The following EPHB2 variants were observed in gnomAD, a reference collection of about 807,000 sequenced individuals.
The protein encoded by EPHB2 is ephrin type-B receptor 2.
Under a neutral mutation model 96.4 loss-of-function variants are expected in EPHB2, and 18 were observed. The observed-to-expected ratio is 0.19, with a 90% CI of 0.13 to 0.28. The LOEUF is 0.28. Ranked by LOEUF, EPHB2 falls within the 10% of genes least tolerant of loss-of-function variation. The pLI is 1.00. For missense variants in EPHB2, 989 were observed against 1,355.4 expected (o/e 0.73, Z 4.25); for synonymous variants, 506 against 534.1 (o/e 0.95, Z 0.72).
intron 3 of EPHB2, among the ~76,000 whole-genome samples, chr1:22,847,084 G>A (rs1022918217): frequency 6.6e-6 from 1 of 152,192 alleles, no homozygotes; most frequent in African/African-American, 2.4e-5. Context: ...ACTCAGCCCC[G>A]CAGAACCTCC....
chr1:22,857,510 G>A (rs1645718705), intron 3 of EPHB2, among the ~76,000 whole-genome samples: 1 of 152,076 alleles, frequency 6.6e-6, no homozygotes, highest in South Asian at 2.1e-4. Context: ...TGACAGATGG[G>A]GCTGGAGAGC....
intron 5 of EPHB2, among the ~76,000 whole-genome samples, chr1:22,880,799 C>T (rs777514675): frequency 2.0e-5 from 3 of 152,238 alleles, no homozygotes; most frequent in East Asian, 1.9e-4. Flanking sequence ...CATGTCTACA[C>T]AGAGGTGATG....
At chr1:22,912,330 A>G in intron 14 of EPHB2, 114 bp from the exon 15 acceptor site, 6 of 1,468,150 alleles carry the variant, frequency 4.1e-6, no homozygotes, top group Non-Finnish European at 5.6e-6. Flanking sequence ...ACCTGTGTTC[A>G]CATAAATGGA....
chr1:22,912,360 G>T, intron 14 of EPHB2, 84 bp from the exon 15 acceptor site: 1 of 1,578,524 alleles, frequency 6.3e-7, no homozygotes, highest in Non-Finnish European at 8.7e-7. Flanking sequence ...GCACATTCAC[G>T]CATACGCAGC....
At chr1:22,856,421 C>T (rs763764462) in intron 3 of EPHB2, among the ~76,000 whole-genome samples, 8 of 152,182 alleles carry the variant, frequency 5.3e-5, no homozygotes, top group Non-Finnish European at 5.9e-5. Flanking sequence ...AGAAGGCCGG[C>T]GCTGGCTGGC....
At chr1:22,828,909 C>T (rs895419499) in intron 3 of EPHB2, among the ~76,000 whole-genome samples, 3 of 152,162 alleles carry the variant, frequency 2.0e-5, no homozygotes, top group African/African-American at 4.8e-5. Flanking sequence ...AATTTTAGAA[C>T]GGTGCAGTCA....
intron 13 of EPHB2, among the ~76,000 whole-genome samples, chr1:22,909,624 G>A (rs986948701): frequency 6.6e-5 from 10 of 152,232 alleles, no homozygotes; most frequent in African/African-American, 1.9e-4. Flanking sequence ...AGGACAAGTG[G>A]GGTTCGAAAG....
intron 6 of EPHB2, among the ~76,000 whole-genome samples, chr1:22,890,755 A>G (rs182201341): frequency 1.8e-4 from 28 of 152,234 alleles, no homozygotes; most frequent in African/African-American, 6.3e-4. Flanking sequence ...TTCTCATGAT[A>G]GTGAGTGAGT....
intron 1 of EPHB2, among the ~76,000 whole-genome samples, chr1:22,752,014 C>T (rs1039540872): frequency 6.6e-6 from 1 of 152,206 alleles, no homozygotes; most frequent in African/African-American, 2.4e-5. Flanking sequence ...TTTGGGCGTT[C>T]ACTAGTTCCG....
intron 3 of EPHB2, among the ~76,000 whole-genome samples, chr1:22,821,843 A>G (rs4361967): frequency 0.066 from 9,981 of 152,256 alleles, 1,005 homozygotes; most frequent in African/African-American, 0.22. Context: ...TCGGACAGTC[A>G]GTTTACGAGA....
chr1:22,896,520 A>G, intron 9 of EPHB2, 42 bp downstream of exon 9: 1 of 1,612,976 alleles, frequency 6.2e-7, no homozygotes, highest in East Asian at 2.2e-5. Context: ...TGGGCCCTTC[A>G]CTGTCGGTTC....
chr1:22,883,245 A>G (rs942590140), intron 6 of EPHB2, among the ~76,000 whole-genome samples: 2 of 152,248 alleles, frequency 1.3e-5, no homozygotes, highest in Admixed American at 6.5e-5. Flanking sequence ...GGCCCTCAGC[A>G]GAGGCCATGT....
At chr1:22,788,747 G>GTTTTTTTTTTTTTTTT (rs1302258024) in intron 3 of EPHB2, among the ~76,000 whole-genome samples, 1 of 90,690 alleles carries the variant, frequency 1.1e-5, no homozygotes, top group African/African-American at 3.9e-5. Context: ...TTTGTCTTTT[G>GTTTTTTTTTTTTTTTT]TTTTTGTTTT....
chr1:22,770,475 C>G (rs1009925095), intron 1 of EPHB2, among the ~76,000 whole-genome samples: 1 of 152,192 alleles, frequency 6.6e-6, no homozygotes, highest in Non-Finnish European at 1.5e-5. Flanking sequence ...TGCTAATTGA[C>G]TCCAACCCAA....
chr1:22,881,182 C>T (rs188776335), intron 5 of EPHB2, among the ~76,000 whole-genome samples: 127 of 152,282 alleles, frequency 8.3e-4, no homozygotes, highest in Non-Finnish European at 1.5e-3. Context: ...AGGCAGATCA[C>T]CTGAGGTCAG....
At chr1:22,716,202 G>A (rs1343664434) in intron 1 of EPHB2, among the ~76,000 whole-genome samples, 1 of 152,190 alleles carries the variant, frequency 6.6e-6, no homozygotes, top group Non-Finnish European at 1.5e-5. Flanking sequence ...GGGTCCCTAA[G>A]CCTCCTAAGT....
chr1:22,829,288 C>T (rs371360097), intron 3 of EPHB2, among the ~76,000 whole-genome samples: 1 of 152,254 alleles, frequency 6.6e-6, no homozygotes, highest in East Asian at 1.9e-4. Flanking sequence ...TGGCCCCTCC[C>T]CACCCCTAGC....
chr1:22,819,161 G>A (rs1298945502), intron 3 of EPHB2, among the ~76,000 whole-genome samples: 2 of 149,472 alleles, frequency 1.3e-5, no homozygotes, highest in South Asian at 2.1e-4. Flanking sequence ...ACTTCTCAGG[G>A]CCTTGCCAGC....
intron 5 of EPHB2, among the ~76,000 whole-genome samples, chr1:22,874,202 A>G (rs1317703352): frequency 6.6e-6 from 1 of 152,136 alleles, no homozygotes; most frequent in Non-Finnish European, 1.5e-5. Flanking sequence ...TGACCCCTTA[A>G]TCTGGGCCAA....
Sources: gnomAD v4.1 joint callset for allele counts (sites outside exome capture counted in the v4.1 genomes callset) on GRCh38, gnomAD v4.1.1 for gene constraint, MANE v1.5 for transcripts, NCBI Gene and HGNC (gene_info 2026-07-23, HGNC 2026-07-21) for gene names.